The following TPO variants were observed in gnomAD, a reference collection of about 807,000 sequenced individuals.
TPO encodes thyroid microsomal antigen.
Under a neutral mutation model 96.9 loss-of-function variants are expected in TPO, and 78 were observed. The observed-to-expected ratio is 0.81, with a 90% CI of 0.67 to 0.97. The LOEUF (loss-of-function observed/expected upper bound fraction) is 0.97, where lower values mean the gene tolerates loss of function less well. TPO is among the 50% of genes least tolerant of loss of function. The pLI, the probability that TPO is intolerant of heterozygous loss-of-function variation, is 0.00. For missense variants in TPO, 1,252 were observed against 1,274.8 expected (o/e 0.98, Z 0.27); for synonymous variants, 547 against 538.0 (o/e 1.02, Z -0.23).
chr2:1,398,876 G>T (rs1430146775), intron 1 of TPO, among the ~76,000 whole-genome samples: 1 of 151,848 alleles, frequency 6.6e-6, no homozygotes, highest in African/African-American at 2.4e-5. Flanking sequence ...GACTGACAGA[G>T]GGTGGGGGGC....
intron 1 of TPO, among the ~76,000 whole-genome samples, chr2:1,380,618 C>G (rs1033602297): frequency 1.3e-5 from 2 of 152,004 alleles, no homozygotes; most frequent in East Asian, 3.9e-4. Flanking sequence ...AGCAATTTAC[C>G]TAAAAACTGA....
At chr2:1,428,964 G>A (rs1663943843) in intron 3 of TPO, among the ~76,000 whole-genome samples, 1 of 152,086 alleles carries the variant, frequency 6.6e-6, no homozygotes, top group Admixed American at 6.6e-5. Flanking sequence ...TGTGTTAGTT[G>A]TAAGTAGCTA....
rs374739371 is a variant in TPO, at chr2:1,499,867, G to A, written c.2386+3102G>A. On this transcript the variant is annotated intron_variant, in intron 13 of 16. Transcript: ENST00000329066. ...TTGCTGAGCCTCTGTGTGCCTCCACGGTTTCAAATGTGAAATGAGGACAGG... is the reference window on the plus strand; with the variant it reads ...TTGCTGAGCCTCTGTGTGCCTCCACAGTTTCAAATGTGAAATGAGGACAGG... 4.6e-5 allele frequency among the ~76,000 whole-genome samples: 7 copies of A among 152,260 alleles called. No individual in the cohort carries two copies. In the South Asian group the frequency reaches 6.2e-4, roughly 14 times the overall value.
intron 15 of TPO, among the ~76,000 whole-genome samples, chr2:1,532,723 CCTTCCCAAATCCCCCCACT>C (rs1678606324): frequency 9.3e-3 from 4 of 432 alleles, no homozygotes; most frequent in African/African-American, 0.091. Context: ...CTGTGAGCAA[CCTTCCCAAATCCCCCCACT>C]GTGTGCAATC....
Position 1,502,065 on chromosome 2 carries a change from TC to T in TPO, c.2387-1880del, listed in dbSNP as rs1437466154. Among the ~76,000 whole-genome samples the T allele has an allele frequency of 6.6e-5, 10 of 152,134 alleles. No individual in the cohort carries two copies. The East Asian group carries it at 1.9e-3, about 30-fold the overall frequency. ...CCCATTCTGAGGACCCCATTGCACA[TC>T]CCAGGGGATGGAGAGAAAATGGGCT... On this transcript the variant is annotated intron_variant, in intron 13 of 16. Coordinates refer to ENST00000329066, the MANE Select transcript of TPO (RefSeq NM_001206744.2).
chr2:1,414,475 A>G lies in TPO; in HGVS notation c.67A>G (p.Ile23Val), dbSNP rs1237678270. Reference protein sequence around the residue: ...MACTEAFFPFISRGKELLWGK... With the variant: ...MACTEAFFPFVSRGKELLWGK... ...CTGCACAGAAGCCTTCTTCCCCTTC[A>G]TCTCGAGAGGGAAAGAACTCCTTTG... Residue 23 changes from isoleucine (I) to valine (V), a missense_variant, in exon 2 of 17, where the codon ATC becomes GTC. Transcript: ENST00000329066. 2 of 1,613,748 alleles carry G rather than the reference A, an allele frequency of 1.2e-6. No individual in the cohort carries two copies. The highest frequency in any genetic ancestry group is 1.1e-5 in the South Asian group (1 of 91,056).
Position 1,477,095 on chromosome 2 carries a change from G to A in TPO, c.829G>A (p.Glu277Lys), listed in dbSNP as rs761751927. Residue 277 changes from glutamate to lysine, a missense_variant, in exon 8 of 17, where the codon GAG becomes AAG. Glu to Lys is a moderately conservative substitution (Grantham distance 56). Coordinates refer to ENST00000329066, the MANE Select transcript of TPO (RefSeq NM_001206744.2). ...NPCFPIQLPE[E>K]ARPAAGTACL... Reference sequence around the variant, plus strand: ...TCCCCTTTGCCTGCAGCTCCCGGAGGAGGCCCGGCCGGCCGCGGGCACCGC... The same window carrying A: ...TCCCCTTTGCCTGCAGCTCCCGGAGAAGGCCCGGCCGGCCGCGGGCACCGC... 6 of 1,604,406 alleles carry A rather than the reference G, an allele frequency of 3.7e-6. No homozygotes were observed. The highest frequency in any genetic ancestry group is 1.7e-5 in the Admixed American group (1 of 59,828).
Position 1,477,454 on chromosome 2 carries a change from C to A in TPO, c.1188C>A (p.Arg396=), listed in dbSNP as rs1189348356. 6.6e-7 allele frequency: 1 copy of A among 1,524,704 alleles called. No individual in the cohort carries two copies. The highest frequency in any genetic ancestry group is 2.5e-5 in the East Asian group (1 of 39,764). The allele number at this position is 1,524,704 out of a possible 1,614,324, so 94.4% of individuals were successfully genotyped here. A position where few individuals can be genotyped will look rare whatever the true frequency, so the allele number is the denominator to read the frequency against. Residue 396 remains arginine, a synonymous_variant, in exon 8 of 17, where the codon CGC becomes CGA. Coordinates refer to ENST00000329066, the MANE Select transcript of TPO (RefSeq NM_001206744.2). ...RGPCFLAGDG[R]ASEVPSLTAL... ...CCTGCTTCCTGGCCGGAGACGGCCGCGCCAGCGAGGTCCCCTCCCTGACGG... is the reference window on the plus strand; with the variant it reads ...CCTGCTTCCTGGCCGGAGACGGCCGAGCCAGCGAGGTCCCCTCCCTGACGG...
At chr2:1,499,834 C>A (rs1672701608) in intron 13 of TPO, among the ~76,000 whole-genome samples, 1 of 152,226 alleles carries the variant, frequency 6.6e-6, no homozygotes, top group Non-Finnish European at 1.5e-5. Flanking sequence ...TTTAATCTGT[C>A]TCCCAAATTG....
At position 1,405,234 on chromosome 2, in the gene TPO, TATCC is replaced by T. The variant is rs1172682006; in HGVS notation, n.180+30848_180+30851del. Among the ~76,000 whole-genome samples the T allele has an allele frequency of 1.5e-3, 221 of 149,190 alleles. 1 individual carries two copies. Among genetic ancestry groups the T allele is most frequent in the African/African-American group, 5.1e-3 (205 of 40,428 alleles). On this transcript the variant is annotated intron_variant and non_coding_transcript_variant, in intron 1 of 5. Transcript: ENST00000497517. ...TCATTCATTCATCCATCCTTCCATT[TATCC>T]ATCCATCCATCCATCATCCACCCAC...
chr2:1,540,661 T>TGCGGAAAG lies in TPO; in HGVS notation c.2687_2694dup (p.His899AlafsTer7). Reference sequence around the variant, plus strand: ...AGGCGGAGGAACTCCCGAGCTGAGATGCGGAAAGCACCAGGCCGTAGGGAC... The same window carrying TGCGGAAAG: ...AGGCGGAGGAACTCCCGAGCTGAGATGCGGAAAGGCGGAAAGCACCAGGCCGTAGGGAC... On this transcript the variant is annotated frameshift_variant, in exon 16 of 17. Transcript: ENST00000329066. LOFTEE classifies it high-confidence loss of function. 1 of 1,613,462 alleles carries TGCGGAAAG rather than the reference T, an allele frequency of 6.2e-7. No homozygotes were observed. The highest frequency in any genetic ancestry group is 1.6e-4 in the Middle Eastern group (1 of 6,062).
intron 1 of TPO, among the ~76,000 whole-genome samples, chr2:1,385,692 G>GT (rs1412497361): frequency 6.6e-6 from 1 of 151,754 alleles, no homozygotes; most frequent in Non-Finnish European, 1.5e-5. Context: ...TTTTTGAAGG[G>GT]TTTTTTGTGT....
intron 15 of TPO, among the ~76,000 whole-genome samples, chr2:1,537,565 A>AC (rs1680097148): frequency 6.5e-5 from 2 of 30,924 alleles, no homozygotes; most frequent in East Asian, 9.8e-4. Context: ...GAAATCCCCC[A>AC]ACTGTGTTCA....
chr2:1,378,411 G>A (rs1267127354), intron 1 of TPO, among the ~76,000 whole-genome samples: 4 of 152,258 alleles, frequency 2.6e-5, no homozygotes, highest in Admixed American at 6.5e-5. Flanking sequence ...GTGGTGCTGA[G>A]CAGAGGTGAT....
chr2:1,539,602 C>T (rs1351967424), intron 15 of TPO, among the ~76,000 whole-genome samples: 4 of 152,096 alleles, frequency 2.6e-5, no homozygotes, highest in East Asian at 3.9e-4. Flanking sequence ...ACTTTGCTGG[C>T]GGTGCTGGAA....
At chr2:1,488,286 G>A (rs1671366791) in intron 10 of TPO, among the ~76,000 whole-genome samples, 1 of 152,090 alleles carries the variant, frequency 6.6e-6, no homozygotes, top group Non-Finnish European at 1.5e-5. Context: ...GGCAGACAAT[G>A]GCAGGTCTGT....
intron 15 of TPO, among the ~76,000 whole-genome samples, chr2:1,538,731 G>A (rs28913041): frequency 0.034 from 5,153 of 152,222 alleles, 110 homozygotes; most frequent in South Asian, 0.11. Flanking sequence ...GGAGGGCGAG[G>A]GCTGCCATAA....
chr2:1,423,142 G>A lies in TPO; in HGVS notation c.179+13G>A, dbSNP rs909021974. 3 of 1,612,536 alleles carry A rather than the reference G, an allele frequency of 1.9e-6. No individual in the cohort carries two copies. The highest frequency in any genetic ancestry group is 2.5e-6 in the Non-Finnish European group (3 of 1,179,886). On this transcript the variant is annotated intron_variant, in intron 3 of 16. Coordinates refer to ENST00000329066, the MANE Select transcript of TPO (RefSeq NM_001206744.2). The stretch of plus-strand genomic sequence containing the variant: ...CCACGATGCAGAGGTGAGCCTTGCG[G>A]AGGGGCCGCCGCCCCAAATGCCACC...
rs1325339711 is a variant in TPO at position 1,536,705 on chromosome 2, C to A, written c.2619-3889C>A. 2.8e-5 allele frequency among the ~76,000 whole-genome samples: 3 copies of A among 105,852 alleles called. No homozygotes were observed. The Admixed American group carries it at 3.7e-4, about 13-fold the overall frequency. The allele number at this position is 105,852 out of a possible 152,430, so 69.4% of individuals were successfully genotyped here. On this transcript the variant is annotated intron_variant, in intron 15 of 16. Coordinates refer to ENST00000329066, the MANE Select transcript of TPO (RefSeq NM_001206744.2). ...TCTGTGCAACCTCCATAAATCCAAC[C>A]AAATGTATGCAACCTCCTCAAATCC...
Sources: gnomAD v4.1 joint callset for allele counts (sites outside exome capture counted in the v4.1 genomes callset) on GRCh38, gnomAD v4.1.1 for gene constraint, MANE v1.5 for transcripts, NCBI Gene and HGNC (gene_info 2026-07-23, HGNC 2026-07-21) for gene names.